Variants in YTHDF3 observed in about 807,000 individuals in gnomAD.
The protein encoded by YTHDF3 is YTH domain-containing family protein 3.
YTHDF3 carries 9 observed loss-of-function variants against 52.5 expected under a neutral mutation model. That is an observed-to-expected ratio of 0.17 (90% CI 0.10 to 0.30). YTHDF3 has a LOEUF of 0.30. YTHDF3 is among the 10% of genes least tolerant of loss of function. The probability of loss-of-function intolerance (pLI) is 1.00; values close to 1 mark genes in which losing one functional copy is unlikely to be tolerated. For synonymous variants in YTHDF3, 274 were observed against 243.3 expected (o/e 1.13, Z -1.18); for missense variants, 534 against 715.0 (o/e 0.75, Z 2.89).
intron 4 of YTHDF3, chr8:63,188,695 A>AT (rs1808700480): frequency 3.0e-5 from 2 of 65,888 alleles, no homozygotes; most frequent in African/African-American, 1.3e-4. Flanking sequence ...ATATATATAT[A>AT]TATATATTTT....
At chr8:63,170,092 A>G (rs1427369411) in intron 2 of YTHDF3, among the ~76,000 whole-genome samples, 2 of 152,202 alleles carry the variant, frequency 1.3e-5, no homozygotes, top group African/African-American at 4.8e-5. Context: ...TTAATATGGA[A>G]CAGTGCAGTC....
Position 63,188,678 on chromosome 8 carries a change from C to CATATATATATAT in YTHDF3, c.1734+946_1734+957dup, listed in dbSNP as rs1166458271. 1.1e-3 allele frequency: 71 copies of CATATATATATAT among 61,970 alleles called. 1 individual carries two copies. The highest frequency in any genetic ancestry group is 4.8e-3 in the South Asian group (7 of 1,452). 3.8% of individuals were successfully genotyped at this position (61,970 alleles called of 1,614,324 possible). A position where few individuals can be genotyped will look rare whatever the true frequency, so the allele number is the denominator to read the frequency against. ...CTAATTTTGTGTTTATAAGAAATTACATATATATATATATATATATATATT... is the reference window on the plus strand; with the variant it reads ...CTAATTTTGTGTTTATAAGAAATTACATATATATATATATATATATATATATATATATATATT... On this transcript the variant is annotated intron_variant, in intron 4 of 4. Transcript: ENST00000539294.
chr8:63,179,220 TTTC>T (rs1807904013), intron 3 of YTHDF3, among the ~76,000 whole-genome samples: 2 of 152,062 alleles, frequency 1.3e-5, no homozygotes, highest in Non-Finnish European at 1.5e-5. Context: ...CAGTCCTTCA[TTTC>T]TTTTTTTTTT....
At chr8:63,182,849 T>C (rs1808236294) in intron 3 of YTHDF3, among the ~76,000 whole-genome samples, 1 of 152,210 alleles carries the variant, frequency 6.6e-6, no homozygotes, top group African/African-American at 2.4e-5. Context: ...ATATCAATGT[T>C]TTTTTACAAT....
intron 1 of YTHDF3, 126 bp downstream of exon 1, chr8:63,169,027 G>A: frequency 3.4e-6 from 5 of 1,461,760 alleles, no homozygotes; most frequent in Non-Finnish European, 4.5e-6. Context: ...GGCGCAAGTT[G>A]CTGCGGTGTA....
At chr8:63,195,801 T>C (rs1235742657) in intron 4 of YTHDF3, among the ~76,000 whole-genome samples, 2 of 151,814 alleles carry the variant, frequency 1.3e-5, no homozygotes, top group Non-Finnish European at 2.9e-5. Context: ...TACGTGTGTG[T>C]GTGTGCGTGC....
chr8:63,180,441 C>T (rs1212932756), intron 3 of YTHDF3, among the ~76,000 whole-genome samples: 1 of 151,034 alleles, frequency 6.6e-6, no homozygotes, highest in Non-Finnish European at 1.5e-5. Flanking sequence ...GCGCTCCTCA[C>T]TTCCTAGATG....
intron 4 of YTHDF3, among the ~76,000 whole-genome samples, chr8:63,203,557 ATAT>A (rs1214779002): frequency 6.6e-6 from 1 of 152,194 alleles, no homozygotes; most frequent in African/African-American, 2.4e-5. Context: ...ATTTTCCCTA[ATAT>A]TAACACATAA....
chr8:63,173,277 T>TCTGTACCC (rs1436278017), intron 2 of YTHDF3, among the ~76,000 whole-genome samples: 1 of 150,376 alleles, frequency 6.6e-6, no homozygotes, highest in Admixed American at 6.6e-5. Flanking sequence ...AGAGTCTCAC[T>TCTGTACCC]CTGTACCCCA....
intron 4 of YTHDF3, among the ~76,000 whole-genome samples, chr8:63,200,135 AC>A (rs2150393092): frequency 6.6e-6 from 1 of 152,198 alleles, no homozygotes; most frequent in South Asian, 2.1e-4. Context: ...ATCCAAACTC[AC>A]GGTTGTTGGC....
At chr8:63,188,309 TTTTA>T (rs1263295585) in intron 4 of YTHDF3, among the ~76,000 whole-genome samples, 1 of 151,676 alleles carries the variant, frequency 6.6e-6, no homozygotes. Flanking sequence ...TAAAACAAGT[TTTTA>T]TTTATTTATA....
At chr8:63,205,591 G>A (rs1469327922) in intron 4 of YTHDF3, among the ~76,000 whole-genome samples, 1 of 151,860 alleles carries the variant, frequency 6.6e-6, no homozygotes, top group Admixed American at 6.6e-5. Flanking sequence ...ATGCCACCAT[G>A]CCTGGCTGAT....
rs183470546 is a variant in YTHDF3 at position 63,209,782 on chromosome 8, C to T, written c.*76C>T. ...GAAATGCCTAATAAGTCAAAGAAGA[C>T]GTATTAAAGCTCTTTTCTGCTTAAG... On this transcript the variant is annotated 3_prime_UTR_variant, in exon 5 of 5. Coordinates refer to ENST00000539294, the MANE Select transcript of YTHDF3 (RefSeq NM_152758.6). The T allele has an allele frequency of 7.9e-4, 1,100 of 1,389,384 alleles. 5 individuals are homozygous for T. The highest frequency in any genetic ancestry group is 8.2e-4 in the Non-Finnish European group (849 of 1,029,244). 86.1% of individuals were successfully genotyped at this position (1,389,384 alleles called of 1,614,324 possible).
intron 4 of YTHDF3, among the ~76,000 whole-genome samples, chr8:63,200,134 C>CA (rs1306858992): frequency 6.6e-6 from 1 of 152,178 alleles, no homozygotes; most frequent in African/African-American, 2.4e-5. Flanking sequence ...CATCCAAACT[C>CA]ACGGTTGTTG....
In YTHDF3 at chr8:63,210,660, T is replaced by G. The variant is rs187682591; in HGVS notation, c.*954T>G. 0.011 allele frequency: 1,644 copies of G among 152,720 alleles called. 17 individuals are homozygous for G. The highest frequency in any genetic ancestry group is 0.018 in the Non-Finnish European group (1,217 of 67,992). 9.5% of individuals were successfully genotyped at this position (152,720 alleles called of 1,614,324 possible). ...GCAAGCATATGTTGTTCCTCAGCTC[T>G]TTTCTCCAGCTTTTGCAGTGTCCTG... is the stretch of plus-strand genomic sequence containing the variant. On this transcript the variant is annotated 3_prime_UTR_variant, in exon 5 of 5. Coordinates refer to ENST00000539294, the MANE Select transcript of YTHDF3 (RefSeq NM_152758.6).
At chr8:63,177,876 G>C (rs372621292) in intron 3 of YTHDF3, among the ~76,000 whole-genome samples, 2 of 151,490 alleles carry the variant, frequency 1.3e-5, no homozygotes, top group East Asian at 1.9e-4. Flanking sequence ...TCCTGCCTCA[G>C]CCTCCCAAGT....
chr8:63,184,816 A>C (rs186087731), intron 3 of YTHDF3, among the ~76,000 whole-genome samples: 1 of 152,354 alleles, frequency 6.6e-6, no homozygotes, highest in East Asian at 1.9e-4. Flanking sequence ...TTCACTTTGC[A>C]TAATTCTACA....
chr8:63,202,648 A>T (rs1809714546), intron 4 of YTHDF3, among the ~76,000 whole-genome samples: 1 of 151,910 alleles, frequency 6.6e-6, no homozygotes, highest in South Asian at 2.1e-4. Flanking sequence ...TTTTTAGTAG[A>T]GACGGGGTTT....
chr8:63,199,180 T>C (rs1809435459), intron 4 of YTHDF3, among the ~76,000 whole-genome samples: 1 of 152,242 alleles, frequency 6.6e-6, no homozygotes, highest in Non-Finnish European at 1.5e-5. Context: ...GTTCCAATGC[T>C]GATAACTTTA....
Sources: allele counts gnomAD v4.1 joint callset (sites outside exome capture counted in the v4.1 genomes callset), GRCh38; gene constraint gnomAD v4.1.1; transcripts MANE v1.5; gene names NCBI Gene and HGNC (gene_info 2026-07-23, HGNC 2026-07-21).